MCTP1: variants seen among roughly 807,000 people sequenced by gnomAD.
The protein encoded by MCTP1 is multiple C2 and transmembrane domain-containing protein 1.
A neutral mutation model predicts 120.6 loss-of-function variants in MCTP1; 69 were observed. The observed-to-expected ratio is 0.57, with a 90% CI of 0.47 to 0.70. The LOEUF (loss-of-function observed/expected upper bound fraction) is 0.70. MCTP1 is among the 30% of genes least tolerant of loss of function. The pLI is 0.00. For missense variants in MCTP1, 1,203 were observed against 1,248.8 expected, an observed-to-expected ratio of 0.96 and a Z score of 0.55; for synonymous variants, 529 against 493.1, an observed-to-expected ratio of 1.07 and a Z score of -0.96.
At chr5:94,842,902 TAACATAAAAAGGATTTCA>T (rs1462100191) in intron 17 of MCTP1, among the ~76,000 whole-genome samples, 1 of 152,056 alleles carries the variant, frequency 6.6e-6, no homozygotes, top group Non-Finnish European at 1.5e-5. Context: ...AAAATTATAA[TAACATAAAAAGGATTTCA>T]GGGGACAGAG....
chr5:94,755,351 T>G (rs910858674), intron 19 of MCTP1, among the ~76,000 whole-genome samples: 1 of 152,126 alleles, frequency 6.6e-6, no homozygotes, highest in Non-Finnish European at 1.5e-5. Context: ...GTGAGTGACC[T>G]CTCTAGTATT....
chr5:94,963,790 T>A (rs532079509), intron 2 of MCTP1, among the ~76,000 whole-genome samples: 1 of 152,310 alleles, frequency 6.6e-6, no homozygotes, highest in African/African-American at 2.4e-5. Context: ...GATTGTTTCC[T>A]TTGCTACACA....
At chr5:94,888,838 C>T in intron 12 of MCTP1, 41 bp downstream of exon 12, 1 of 1,241,734 alleles carries the variant, frequency 8.1e-7, no homozygotes. Context: ...ACCTTGTGTG[C>T]TGCTTGATCT....
chr5:94,975,978 A>C (rs1424485295), intron 2 of MCTP1, among the ~76,000 whole-genome samples: 1 of 152,252 alleles, frequency 6.6e-6, no homozygotes, highest in South Asian at 2.1e-4. Context: ...CTGAAAACAC[A>C]TGTATAACTG....
Position 94,892,296 on chromosome 5 carries a change from C to T in MCTP1, c.1839+2353G>A, listed in dbSNP as rs1332199233. Among the ~76,000 whole-genome samples, 3 of 152,124 alleles carry T rather than the reference C, an allele frequency of 2.0e-5. No homozygotes were observed. In the East Asian group the frequency reaches 5.8e-4, roughly 29 times the overall value. On this transcript the variant is annotated intron_variant, in intron 11 of 22. Coordinates refer to ENST00000515393, the MANE Select transcript of MCTP1 (RefSeq NM_024717.7). ...GCCCATCGTCTCACGGTGGACAATC[C>T]GGTCAAGGGACATTAAATCAGATGA...
intron 1 of MCTP1, chr5:95,081,794 TACTC>T (rs1361340988): frequency 9.2e-7 from 1 of 1,082,908 alleles, no homozygotes; most frequent in South Asian, 4.3e-5. Context: ...GGTTCTAAAA[TACTC>T]ACATTAAATA....
chr5:95,139,337 A>G (rs1342040686), intron 1 of MCTP1, among the ~76,000 whole-genome samples: 2 of 152,230 alleles, frequency 1.3e-5, no homozygotes, highest in African/African-American at 4.8e-5. Flanking sequence ...AGGGTTAGAG[A>G]TTTACAGATA....
intron 2 of MCTP1, among the ~76,000 whole-genome samples, chr5:94,982,708 G>T (rs1388073675): frequency 6.6e-6 from 1 of 151,622 alleles, no homozygotes; most frequent in Non-Finnish European, 1.5e-5. Flanking sequence ...GGCCAACAGG[G>T]CAAAACTCTG....
At chr5:94,931,698 T>A in intron 6 of MCTP1, 1 of 410,722 alleles carries the variant, frequency 2.4e-6, no homozygotes. Context: ...CCCTGTTGCA[T>A]ATATAGTTGA....
chr5:94,759,709 C>T (rs975679230), intron 19 of MCTP1, among the ~76,000 whole-genome samples: 1 of 152,036 alleles, frequency 6.6e-6, no homozygotes, highest in Non-Finnish European at 1.5e-5. Context: ...AGCCTAATAT[C>T]ATTGCCAGGT....
chr5:94,718,822 C>A (rs1045952807), intron 19 of MCTP1, among the ~76,000 whole-genome samples: 2 of 152,204 alleles, frequency 1.3e-5, no homozygotes, highest in Non-Finnish European at 1.5e-5. Context: ...CAGGTTCAAG[C>A]AATTCTCCTG....
chr5:95,043,489 G>A (rs1842676565), intron 1 of MCTP1, among the ~76,000 whole-genome samples: 1 of 152,066 alleles, frequency 6.6e-6, no homozygotes, highest in Non-Finnish European at 1.5e-5. Flanking sequence ...ATATCATTCT[G>A]CTTAGCCTTT....
At chr5:95,195,992 TC>T (rs973249752) in intron 1 of MCTP1, among the ~76,000 whole-genome samples, 3 of 152,056 alleles carry the variant, frequency 2.0e-5, no homozygotes, top group Admixed American at 2.0e-4. Flanking sequence ...TTATATGTGG[TC>T]CCCCGCCTTT....
intron 2 of MCTP1, among the ~76,000 whole-genome samples, chr5:94,987,181 T>C (rs1830573288): frequency 6.6e-6 from 1 of 152,188 alleles, no homozygotes; most frequent in South Asian, 2.1e-4. Flanking sequence ...ATGCTTACTA[T>C]AGGCTAGGCA....
intron 19 of MCTP1, among the ~76,000 whole-genome samples, chr5:94,753,572 G>T (rs538966401): frequency 2.7e-4 from 41 of 152,302 alleles, no homozygotes; most frequent in African/African-American, 9.6e-4. Flanking sequence ...GTGGTGTGTA[G>T]TTGCTTCTGT....
chr5:94,961,409 G>T (rs533543594), intron 2 of MCTP1, among the ~76,000 whole-genome samples: 1 of 152,016 alleles, frequency 6.6e-6, no homozygotes, highest in South Asian at 2.1e-4. Flanking sequence ...AGAGCTTAAA[G>T]TATAATTTAA....
intron 1 of MCTP1, among the ~76,000 whole-genome samples, chr5:95,195,487 G>A (rs1166135454): frequency 1.3e-5 from 2 of 152,170 alleles, no homozygotes; most frequent in African/African-American, 4.8e-5. Flanking sequence ...CATGATCACA[G>A]AAAGAATTGC....
intron 1 of MCTP1, among the ~76,000 whole-genome samples, chr5:95,049,860 C>T (rs552940180): frequency 5.9e-5 from 9 of 152,162 alleles, no homozygotes; most frequent in South Asian, 2.1e-4. Flanking sequence ...AAAATAGCTC[C>T]GTATCACCTG....
At chr5:95,185,134 C>G (rs773824932) in intron 1 of MCTP1, among the ~76,000 whole-genome samples, 6 of 152,124 alleles carry the variant, frequency 3.9e-5, no homozygotes, top group Non-Finnish European at 7.4e-5. Context: ...TGGGCAGTTA[C>G]AATTTTACAC....
Sources: allele counts gnomAD v4.1 joint callset (sites outside exome capture counted in the v4.1 genomes callset), GRCh38; gene constraint gnomAD v4.1.1; transcripts MANE v1.5; gene names NCBI Gene and HGNC (gene_info 2026-07-23, HGNC 2026-07-21).